Variants in ZNF248 observed in about 807,000 individuals in gnomAD.
The protein encoded by ZNF248 is KRAB protein domain.
Under a neutral mutation model 44.3 loss-of-function variants are expected in ZNF248, and 20 were observed. The ratio of observed to expected loss-of-function variants is 0.45; its 90% CI spans 0.32 to 0.66. ZNF248 has a LOEUF of 0.66. Ranked by LOEUF, ZNF248 falls within the 30% of genes least tolerant of loss-of-function variation. The probability of loss-of-function intolerance (pLI) is 0.04; values close to 1 mark genes in which losing one functional copy is unlikely to be tolerated. For missense variants in ZNF248, 654 were observed against 677.0 expected, an observed-to-expected ratio of 0.97 and a Z score of 0.38; for synonymous variants, 224 against 229.0, an observed-to-expected ratio of 0.98 and a Z score of 0.20.
chr10:37,823,291 G>A (rs1441951478), intron 6 of ZNF248, among the ~76,000 whole-genome samples: 7 of 116,554 alleles, frequency 6.0e-5, no homozygotes, highest in Admixed American at 2.5e-4. Context: ...CCGAGATTGC[G>A]CCACTGCCCT....
chr10:37,775,905 T>C (rs1462052403), downstream of ZNF248, among the ~76,000 whole-genome samples: 2 of 152,216 alleles, frequency 1.3e-5, no homozygotes, highest in African/African-American at 4.8e-5. Context: ...TTACCTGTTA[T>C]AAGATGGATG....
intron 3 of ZNF248, among the ~76,000 whole-genome samples, chr10:37,838,622 C>T (rs34905591): frequency 1.8e-3 from 281 of 152,036 alleles, no homozygotes; most frequent in Non-Finnish European, 2.9e-3. Context: ...AGGATGAATC[C>T]TCTCCGCTCA....
intron 6 of ZNF248, among the ~76,000 whole-genome samples, chr10:37,788,726 A>C (rs563941346): frequency 6.6e-6 from 1 of 152,384 alleles, no homozygotes; most frequent in Non-Finnish European, 1.5e-5. Context: ...TTACTAGAAT[A>C]GTTATTATAA....
chr10:37,840,976 A>G (rs546136529), intron 3 of ZNF248, among the ~76,000 whole-genome samples: 2 of 152,308 alleles, frequency 1.3e-5, no homozygotes, highest in East Asian at 3.9e-4. Flanking sequence ...GCCAAGCTGA[A>G]GCAGTTGGAA....
At position 37,831,207 on chromosome 10, in the gene ZNF248, C is replaced by T; in HGVS notation, c.*408G>A. On this transcript the variant is annotated 3_prime_UTR_variant, in exon 6 of 6. Coordinates refer to ENST00000395867, the MANE Select transcript of ZNF248 (RefSeq NM_021045.3). ...TTCCAATATACAAATCAAGCATACT[C>T]AAATTTATATATTTGCATACTCACA... The T allele has an allele frequency of 6.5e-7, 1 of 1,542,804 alleles. No individual in the cohort carries two copies. Among genetic ancestry groups the T allele is most frequent in the East Asian group, 2.5e-5 (1 of 40,666 alleles).
rs990498734 is a variant in ZNF248 at position 37,831,373 on chromosome 10, C to T, written c.*242G>A. 14 of 1,546,130 alleles carry T rather than the reference C, an allele frequency of 9.1e-6. No homozygotes were observed. The highest frequency in any genetic ancestry group is 7.4e-5 in the East Asian group (3 of 40,792). On this transcript the variant is annotated 3_prime_UTR_variant, in exon 6 of 6. Coordinates refer to ENST00000395867, the MANE Select transcript of ZNF248 (RefSeq NM_021045.3). ...TATTTGCAACAAAATTTTGGTATCACGTCTGGAATATAACACTAAACAACA... is the reference window on the plus strand; with the variant it reads ...TATTTGCAACAAAATTTTGGTATCATGTCTGGAATATAACACTAAACAACA...
chr10:37,849,612 G>A (rs12761292), intron 3 of ZNF248, among the ~76,000 whole-genome samples: 10 of 151,994 alleles, frequency 6.6e-5, no homozygotes, highest in African/African-American at 2.4e-4. Flanking sequence ...GCGTGAACCC[G>A]GGAGGTGGAG....
intron 6 of ZNF248, among the ~76,000 whole-genome samples, chr10:37,809,307 T>C (rs2051126401): frequency 6.6e-6 from 1 of 152,118 alleles, no homozygotes; most frequent in African/African-American, 2.4e-5. Flanking sequence ...AGACGGAGTC[T>C]AGTTCTGTCA....
Position 37,831,157 on chromosome 10 carries a change from A to G in ZNF248, c.*458T>C. Reference sequence around the variant, plus strand: ...AGTAGTTACTCAATTAAGGGTACGTATCTTCTCCTTATGATCATGTTGAGT... The same window carrying G: ...AGTAGTTACTCAATTAAGGGTACGTGTCTTCTCCTTATGATCATGTTGAGT... On this transcript the variant is annotated 3_prime_UTR_variant, in exon 6 of 6. Coordinates refer to ENST00000395867, the MANE Select transcript of ZNF248 (RefSeq NM_021045.3). The G allele has an allele frequency of 6.6e-7, 1 of 1,508,224 alleles. No individual in the cohort carries two copies. The highest frequency in any genetic ancestry group is 8.9e-7 in the Non-Finnish European group (1 of 1,126,068). The allele number at this position is 1,508,224 out of a possible 1,614,324, so 93.4% of individuals were successfully genotyped here. A position where few individuals can be genotyped will look rare whatever the true frequency, so the allele number is the denominator to read the frequency against.
the ZNF248 span, among the ~76,000 whole-genome samples, chr10:37,764,554 G>C: frequency 6.6e-6 from 1 of 152,086 alleles, no homozygotes; most frequent in African/African-American, 2.4e-5. Context: ...AAAACTTGCT[G>C]GTTTTGTGGC....
downstream of ZNF248, among the ~76,000 whole-genome samples, chr10:37,772,327 T>C (rs2046284150): frequency 6.6e-6 from 1 of 151,918 alleles, no homozygotes; most frequent in African/African-American, 2.4e-5. Context: ...TAGAGCGCCA[T>C]ACTATCATGC....
At chr10:37,846,295 G>T (rs1174952471) in intron 3 of ZNF248, among the ~76,000 whole-genome samples, 3 of 152,160 alleles carry the variant, frequency 2.0e-5, no homozygotes, top group African/African-American at 7.2e-5. Flanking sequence ...AATCTTTAAT[G>T]AATTACTAAA....
intron 3 of ZNF248, among the ~76,000 whole-genome samples, chr10:37,843,645 TTAAG>T (rs761783782): frequency 9.2e-5 from 14 of 152,086 alleles, no homozygotes; most frequent in African/African-American, 1.9e-4. Flanking sequence ...TTTAAATAAA[TTAAG>T]TGTCATCAAA....
In ZNF248 at chr10:37,857,183, A is replaced by C. The variant is rs1243815949; in HGVS notation, c.-126+2T>G. Reference sequence around the variant, plus strand: ...CGCGCCCACCCCTCAGCTCCAGCTCACCTCTCTCTTCTTAAATTTGTCCCA... The same window carrying C: ...CGCGCCCACCCCTCAGCTCCAGCTCCCCTCTCTCTTCTTAAATTTGTCCCA... On this transcript the variant is annotated splice_donor_variant, in intron 1 of 5. Coordinates refer to ENST00000395867, the MANE Select transcript of ZNF248 (RefSeq NM_021045.3). LOFTEE classifies it low-confidence loss of function (5UTR_SPLICE). 2.0e-5 allele frequency: 3 copies of C among 153,166 alleles called. No individual in the cohort carries two copies. The highest frequency in any genetic ancestry group is 4.4e-5 in the Non-Finnish European group (3 of 68,798). The allele number at this position is 153,166 out of a possible 1,614,324, so 9.5% of individuals were successfully genotyped here. A position where few individuals can be genotyped will look rare whatever the true frequency, so the allele number is the denominator to read the frequency against.
In ZNF248 at chr10:37,820,375, G is replaced by T. The variant is rs75929151; in HGVS notation, c.330+12650C>A. 1.0e-4 allele frequency: 151 copies of T among 1,465,166 alleles called. No homozygotes were observed. The East Asian group carries it at 3.4e-3, about 33-fold the overall frequency. 90.8% of individuals were successfully genotyped at this position (1,465,166 alleles called of 1,614,324 possible). On this transcript the variant is annotated intron_variant, in intron 6 of 6. Transcript: ENST00000615949. ...GCCAGCTGCTCTGGGTCAAGCCGAG[G>T]TTTTGTTAGCATTGCTGACATGAGG...
intron 3 of ZNF248, among the ~76,000 whole-genome samples, chr10:37,850,473 T>C (rs2060038276): frequency 6.6e-6 from 1 of 152,142 alleles, no homozygotes; most frequent in Non-Finnish European, 1.5e-5. Context: ...AAGGCATAGG[T>C]GCTAAGAATA....
chr10:37,827,890 T>A (rs200913), downstream of ZNF248, among the ~76,000 whole-genome samples: 34,325 of 151,930 alleles, frequency 0.23, 4,034 homozygotes, highest in East Asian at 0.4. Flanking sequence ...AGGAGGGCAA[T>A]TTCAAGATGG....
intron 6 of ZNF248, chr10:37,795,270 A>G (rs1317579532): frequency 1.3e-5 from 2 of 152,176 alleles, no homozygotes; most frequent in African/African-American, 2.4e-5. Flanking sequence ...ATGTATAATA[A>G]TTGTTGATGA....
intron 6 of ZNF248, among the ~76,000 whole-genome samples, chr10:37,791,358 A>T (rs2048532384): frequency 6.6e-6 from 1 of 151,764 alleles, no homozygotes; most frequent in Non-Finnish European, 1.5e-5. Context: ...ATTTATTTCC[A>T]CAATATGTTA....
Sources: allele counts gnomAD v4.1 joint callset (sites outside exome capture counted in the v4.1 genomes callset), GRCh38; gene constraint gnomAD v4.1.1; transcripts MANE v1.5; gene names NCBI Gene and HGNC (gene_info 2026-07-23, HGNC 2026-07-21).